GARNL3: variants seen among roughly 807,000 people sequenced by gnomAD.
GARNL3 encodes GTPase-activating Rap/Ran-GAP domain-like protein 3.
Under a neutral mutation model 125.0 loss-of-function variants are expected in GARNL3, and 63 were observed. That is an observed-to-expected ratio of 0.50 (90% confidence interval 0.41 to 0.62). The LOEUF (loss-of-function observed/expected upper bound fraction) is 0.62, where lower values mean the gene tolerates loss of function less well. Among genes scored for constraint, GARNL3 ranks in the 20% least tolerant of loss-of-function variants. The pLI is 0.00. For synonymous variants in GARNL3, 439 were observed against 457.5 expected, an observed-to-expected ratio of 0.96 and a Z score of 0.52; for missense variants, 994 against 1,244.0, an observed-to-expected ratio of 0.80 and a Z score of 3.02.
chr9:127,383,622 C>T, intron 23 of GARNL3, 77 bp downstream of exon 23: 1 of 892,076 alleles, frequency 1.1e-6, no homozygotes, highest in East Asian at 2.5e-5. Context: ...CCTATGTAAG[C>T]AAATCACTGG....
In GARNL3 at chr9:127,325,247, A is replaced by C. The variant is rs917216473; in HGVS notation, c.594+152A>C. On this transcript the variant is annotated intron_variant, in intron 7 of 27. Coordinates refer to ENST00000373387, the MANE Select transcript of GARNL3 (RefSeq NM_032293.5). ...CATTGCGCGGAAAGAACTTACTGGC[A>C]TGTATTTTTAAGGTATATTTTAGAA... 2.5e-5 allele frequency: 17 copies of C among 690,334 alleles called. No homozygotes were observed. In the African/African-American group the frequency reaches 2.9e-4, roughly 12 times the overall value. 42.8% of individuals were successfully genotyped at this position (690,334 alleles called of 1,614,324 possible). A position where few individuals can be genotyped will look rare whatever the true frequency, so the allele number is the denominator to read the frequency against.
At chr9:127,357,192 T>G (rs780660975) in intron 20 of GARNL3, 27 bp from the exon 21 acceptor site, 1 of 1,613,068 alleles carries the variant, frequency 6.2e-7, no homozygotes, top group South Asian at 1.1e-5. Flanking sequence ...CTCACCCCTG[T>G]CTCTTGTATC....
At chr9:127,237,199 G>A (rs1029010491) in intron 1 of GARNL3, among the ~76,000 whole-genome samples, 4 of 152,212 alleles carry the variant, frequency 2.6e-5, no homozygotes, top group Non-Finnish European at 5.9e-5. Context: ...CAATCAAGAA[G>A]CAAGGAGATC....
At chr9:127,332,186 A>G in intron 7 of GARNL3, 88 bp from the exon 8 acceptor site, 1 of 920,368 alleles carries the variant, frequency 1.1e-6, no homozygotes, top group East Asian at 2.4e-5. Flanking sequence ...GGTGACTGCC[A>G]TTGTGCTAAG....
rs573222865 is a variant in GARNL3, at chr9:127,280,048, A to G, written c.145-11120A>G. The stretch of plus-strand genomic sequence containing the variant: ...AGCGGCTCTAGAATTTATACATAAC[A>G]GGGGCTTAGGAACTACCAGTAGCAG... On this transcript the variant is annotated intron_variant, in intron 1 of 27. Coordinates refer to ENST00000373387, the MANE Select transcript of GARNL3 (RefSeq NM_032293.5). This position sits in a 1 kb window ranked among gnomAD's most constrained non-coding sequence, Gnocchi z 4.5. 2.6e-5 allele frequency among the ~76,000 whole-genome samples: 4 copies of G among 152,300 alleles called. No homozygotes were observed. The East Asian group carries it at 7.7e-4, about 29-fold the overall frequency.
At chr9:127,274,620 C>G (rs2063906688) in intron 1 of GARNL3, among the ~76,000 whole-genome samples, 2 of 152,166 alleles carry the variant, frequency 1.3e-5, no homozygotes, top group Admixed American at 1.3e-4. Context: ...CTTGGCTTGG[C>G]TCACAATCTC....
intron 2 of GARNL3, among the ~76,000 whole-genome samples, chr9:127,255,307 G>T (rs1368507515): frequency 6.6e-6 from 1 of 152,204 alleles, no homozygotes; most frequent in East Asian, 1.9e-4. Context: ...GCTAAAGTGG[G>T]TGGGTTAGAG....
intron 27 of GARNL3, among the ~76,000 whole-genome samples, chr9:127,391,347 T>TAG (rs1211626667): frequency 1.4e-5 from 2 of 143,964 alleles, no homozygotes; most frequent in Non-Finnish European, 3.0e-5. Context: ...TATATATATG[T>TAG]AGAGAGAGAG....
intron 2 of GARNL3, among the ~76,000 whole-genome samples, chr9:127,252,352 A>T (rs917056825): frequency 1.3e-5 from 2 of 152,122 alleles, no homozygotes; most frequent in African/African-American, 4.8e-5. Context: ...ATCTACAGAG[A>T]CCTTTTTTCT....
At chr9:127,331,720 C>CTTTCTTTTTTTTTTTTTT (rs1829255892) in intron 7 of GARNL3, among the ~76,000 whole-genome samples, 1 of 74,416 alleles carries the variant, frequency 1.3e-5, no homozygotes, top group Non-Finnish European at 2.5e-5. Context: ...CTTGGGCTTG[C>CTTTCTTTTTTTTTTTTTT]TTTTTTTTTT....
intron 1 of GARNL3, among the ~76,000 whole-genome samples, chr9:127,226,872 C>T (rs563836665): frequency 6.6e-6 from 1 of 152,310 alleles, no homozygotes; most frequent in East Asian, 1.9e-4. Context: ...AGGGATGAGG[C>T]TGAAGAGACA....
chr9:127,249,392 C>A (rs1051160472), intron 2 of GARNL3, among the ~76,000 whole-genome samples: 1 of 150,032 alleles, frequency 6.7e-6, no homozygotes, highest in Non-Finnish European at 1.5e-5. Context: ...AAGACCAGCC[C>A]GGGCAACATG....
At chr9:127,382,934 C>T (rs1382795351) in intron 22 of GARNL3, among the ~76,000 whole-genome samples, 1 of 152,214 alleles carries the variant, frequency 6.6e-6, no homozygotes, top group Non-Finnish European at 1.5e-5. Flanking sequence ...AGGGCATTCT[C>T]CACCCAAGGG....
At chr9:127,263,042 G>A (rs935402743), upstream of GARNL3, among the ~76,000 whole-genome samples, 4 of 152,188 alleles carry the variant, frequency 2.6e-5, no homozygotes, top group East Asian at 1.9e-4. Flanking sequence ...ATCCCTCTGC[G>A]GTATATTGAA....
chr9:127,362,068 C>CT (rs540192850), intron 21 of GARNL3: 5,122 of 130,194 alleles, frequency 0.039, 329 homozygotes, highest in African/African-American at 0.11. Context: ...TTCATTTCTC[C>CT]TTTTTTTTTT....
In GARNL3 at chr9:127,384,996, G is replaced by T; in HGVS notation, c.2270-31G>T. 7.0e-7 allele frequency: 1 copy of T among 1,430,498 alleles called. No individual in the cohort carries two copies. 88.6% of individuals were successfully genotyped at this position (1,430,498 alleles called of 1,614,324 possible). A position where few individuals can be genotyped will look rare whatever the true frequency, so the allele number is the denominator to read the frequency against. On this transcript the variant is annotated intron_variant, in intron 23 of 27. Coordinates refer to ENST00000373387, the MANE Select transcript of GARNL3 (RefSeq NM_032293.5). This position sits in a 1 kb window ranked among gnomAD's most constrained non-coding sequence, Gnocchi z 4.0. The stretch of plus-strand genomic sequence containing the variant: ...CCCCTTCGCGGCCACCAAGCCAGCA[G>T]CTGGGAGGTGACACTCCCGTTCCCT...
At chr9:127,365,581 A>G (rs1831244514) in intron 22 of GARNL3, among the ~76,000 whole-genome samples, 1 of 152,150 alleles carries the variant, frequency 6.6e-6, no homozygotes. Context: ...GGCACTTGTG[A>G]TGCTATCTCC....
At chr9:127,344,142 C>T (rs1830012726) in intron 14 of GARNL3, 93 bp from the exon 15 acceptor site, 3 of 824,416 alleles carry the variant, frequency 3.6e-6, no homozygotes, top group Non-Finnish European at 6.0e-6. Flanking sequence ...AGAAATAGGA[C>T]CATTTGGATA....
chr9:127,257,616 T>C (rs900171578), intron 2 of GARNL3, among the ~76,000 whole-genome samples: 1 of 152,136 alleles, frequency 6.6e-6, no homozygotes, highest in Non-Finnish European at 1.5e-5. Context: ...CTGTAGGAGG[T>C]GTGCTTTCCA....
Sources: gnomAD v4.1 joint callset for allele counts (sites outside exome capture counted in the v4.1 genomes callset) on GRCh38, gnomAD v4.1.1 for gene constraint, Gnocchi (gnomAD v3.1) non-coding constraint, MANE v1.5 for transcripts, NCBI Gene and HGNC (gene_info 2026-07-23, HGNC 2026-07-21) for gene names.